Variants in ANO3 observed in about 807,000 individuals in gnomAD.
ANO3 encodes anoctamin-3.
ANO3 carries 99 observed loss-of-function variants against 144.8 expected under a neutral mutation model. That is an observed-to-expected ratio of 0.68 (90% CI 0.58 to 0.81). The LOEUF (loss-of-function observed/expected upper bound fraction) is 0.81, where lower values mean the gene tolerates loss of function less well. Ranked by LOEUF, ANO3 falls within the 30% of genes least tolerant of loss-of-function variation. The pLI, the probability that ANO3 is intolerant of heterozygous loss-of-function variation, is 0.00. For synonymous variants in ANO3, 414 were observed against 392.6 expected (o/e 1.05, Z -0.64); for missense variants, 905 against 1,202.2 (o/e 0.75, Z 3.66).
At chr11:26,469,254 A>G (rs1185418203) in intron 4 of ANO3, among the ~76,000 whole-genome samples, 1 of 151,944 alleles carries the variant, frequency 6.6e-6, no homozygotes, top group Non-Finnish European at 1.5e-5. Flanking sequence ...TTTCCAAAAG[A>G]TTTAGTACAA....
intron 4 of ANO3, among the ~76,000 whole-genome samples, chr11:26,483,374 C>T (rs979861107): frequency 3.5e-4 from 54 of 152,226 alleles, no homozygotes; most frequent in African/African-American, 1.2e-3. Flanking sequence ...ATGTAATCTC[C>T]AGTTCTGGAG....
chr11:26,249,571 T>TA lies in ANO3; in HGVS notation c.155-60066dup, dbSNP rs1469298878. On this transcript the variant is annotated intron_variant, in intron 1 of 27. Coordinates refer to the ANO3 transcript ENST00000672621. ...TGCTAAATTAACTCATGATTTTTTT[T>TA]AAAAAAAAGGAATAAATGAAAAGGA... Among the ~76,000 whole-genome samples, 172 of 151,280 alleles carry TA rather than the reference T, an allele frequency of 1.1e-3. 1 individual carries two copies. The highest frequency in any genetic ancestry group is 1.6e-3 in the Non-Finnish European group (111 of 67,822).
chr11:26,524,627 A>G (rs1849117689), intron 6 of ANO3, among the ~76,000 whole-genome samples: 1 of 152,208 alleles, frequency 6.6e-6, no homozygotes, highest in Non-Finnish European at 1.5e-5. Flanking sequence ...CAACATGAGC[A>G]TGTAGAGAAA....
At chr11:26,518,746 G>A (rs1342874157) in intron 6 of ANO3, among the ~76,000 whole-genome samples, 1 of 151,480 alleles carries the variant, frequency 6.6e-6, no homozygotes, top group Non-Finnish European at 1.5e-5. Flanking sequence ...GTGATTTTGG[G>A]GGAATATTAA....
At chr11:26,436,627 G>A (rs1487791177) in intron 1 of ANO3, among the ~76,000 whole-genome samples, 1 of 152,034 alleles carries the variant, frequency 6.6e-6, no homozygotes, top group African/African-American at 2.4e-5. Context: ...CCTACCCAGT[G>A]AGGAGGAGTA....
intron 1 of ANO3, among the ~76,000 whole-genome samples, chr11:26,232,008 T>C (rs1395498567): frequency 6.6e-6 from 1 of 152,192 alleles, no homozygotes; most frequent in Non-Finnish European, 1.5e-5. Flanking sequence ...CCTTTCAAGA[T>C]GGCATGTCAA....
At chr11:26,238,619 G>A (rs1187464816) in intron 1 of ANO3, among the ~76,000 whole-genome samples, 2 of 151,928 alleles carry the variant, frequency 1.3e-5, no homozygotes, top group Non-Finnish European at 2.9e-5. Context: ...AACAAATTAG[G>A]CAATGATTTC....
chr11:26,544,281 T>TATATATATATATATATATATATAC (rs1849729404), intron 11 of ANO3, among the ~76,000 whole-genome samples: 1 of 86,988 alleles, frequency 1.1e-5, no homozygotes, highest in African/African-American at 4.0e-5. Context: ...TATACACACA[T>TATATATATATATATATATATATAC]ACACACACAC....
At chr11:26,536,867 A>T (rs577027650) in intron 9 of ANO3, among the ~76,000 whole-genome samples, 4 of 152,178 alleles carry the variant, frequency 2.6e-5, no homozygotes, top group Non-Finnish European at 4.4e-5. Context: ...TGTTCTTACC[A>T]GGAGTATATG....
At chr11:26,266,432 A>T (rs1853308314) in intron 1 of ANO3, among the ~76,000 whole-genome samples, 1 of 134,264 alleles carries the variant, frequency 7.4e-6, no homozygotes, top group African/African-American at 2.8e-5. Flanking sequence ...AACAAATGTA[A>T]TTTTTTTTTT....
intron 1 of ANO3, among the ~76,000 whole-genome samples, chr11:26,420,367 A>G (rs1857717083): frequency 6.6e-6 from 1 of 152,058 alleles, no homozygotes. Flanking sequence ...TATTTGTAAT[A>G]GGTAATCTCC....
At chr11:26,636,002 G>A (rs535873607) in intron 20 of ANO3, among the ~76,000 whole-genome samples, 3 of 152,206 alleles carry the variant, frequency 2.0e-5, no homozygotes, top group African/African-American at 4.8e-5. Flanking sequence ...GTTTGAGACC[G>A]GTCTGGGCAA....
At chr11:26,250,409 G>A (rs1431576659) in intron 1 of ANO3, among the ~76,000 whole-genome samples, 2 of 152,038 alleles carry the variant, frequency 1.3e-5, no homozygotes, top group East Asian at 3.8e-4. Context: ...ACAGTCTCTG[G>A]CATCCATATC....
intron 4 of ANO3, among the ~76,000 whole-genome samples, chr11:26,486,195 T>A (rs1244150015): frequency 6.6e-6 from 1 of 151,906 alleles, no homozygotes; most frequent in African/African-American, 2.4e-5. Context: ...ACCCTGTCTC[T>A]ACTAAAAATA....
At chr11:26,253,405 G>T (rs1050705013) in intron 1 of ANO3, among the ~76,000 whole-genome samples, 1 of 151,986 alleles carries the variant, frequency 6.6e-6, no homozygotes, top group Non-Finnish European at 1.5e-5. Context: ...CCTTTTGGAG[G>T]GTGGAGGGTG....
chr11:26,581,517 C>T (rs544480114), intron 14 of ANO3, among the ~76,000 whole-genome samples: 6 of 151,540 alleles, frequency 4.0e-5, no homozygotes, highest in African/African-American at 7.3e-5. Flanking sequence ...GGTGAAACCC[C>T]GTCTCTACTA....
intron 1 of ANO3, among the ~76,000 whole-genome samples, chr11:26,366,108 T>A (rs1445058002): frequency 6.6e-6 from 1 of 151,926 alleles, no homozygotes; most frequent in Non-Finnish European, 1.5e-5. Context: ...ACTCATCATT[T>A]ACATTAGGTA....
In ANO3 at chr11:26,661,875, G is replaced by C. The variant is rs1853888068; in HGVS notation, c.*1431G>C. On this transcript the variant is annotated 3_prime_UTR_variant, in exon 27 of 27. Transcript: ENST00000256737. ...AGAGAAGAGCTGAAGTAAATGTATGGTAGAAATTAAGACGTTTCTTTGCAA... is the reference window on the plus strand; with the variant it reads ...AGAGAAGAGCTGAAGTAAATGTATGCTAGAAATTAAGACGTTTCTTTGCAA... 2 of 152,002 alleles carry C rather than the reference G, an allele frequency of 1.3e-5. No individual in the cohort carries two copies. Among genetic ancestry groups the C allele is most frequent in the Admixed American group, 6.6e-5 (1 of 15,218 alleles). The allele number at this position is 152,002 out of a possible 1,614,324, so 9.4% of individuals were successfully genotyped here.
At chr11:26,583,941 C>T (rs1590586993) in intron 14 of ANO3, among the ~76,000 whole-genome samples, 1 of 152,222 alleles carries the variant, frequency 6.6e-6, no homozygotes, top group African/African-American at 2.4e-5. Flanking sequence ...TTCCTTTTTT[C>T]TCCGTATTCA....
Sources: allele counts gnomAD v4.1 joint callset (sites outside exome capture counted in the v4.1 genomes callset), GRCh38; gene constraint gnomAD v4.1.1; transcripts MANE v1.5; gene names NCBI Gene and HGNC (gene_info 2026-07-23, HGNC 2026-07-21).